Variants in ITGA9 observed in about 807,000 individuals in gnomAD.
The protein encoded by ITGA9 is integrin alpha-9.
In ITGA9, 56 loss-of-function variants were observed where a neutral mutation model predicts 127.8. The ratio of observed to expected loss-of-function variants is 0.44; its 90% CI spans 0.35 to 0.55. ITGA9 has a LOEUF of 0.55. Ranked by LOEUF, ITGA9 falls within the 20% of genes least tolerant of loss-of-function variation. The pLI is 0.00. For synonymous variants in ITGA9, 508 were observed against 514.5 expected, an observed-to-expected ratio of 0.99 and a Z score of 0.17; for missense variants, 1,196 against 1,347.1, an observed-to-expected ratio of 0.89 and a Z score of 1.76.
At chr3:37,624,512 C>T (rs1193793054) in intron 15 of ITGA9, among the ~76,000 whole-genome samples, 1 of 152,172 alleles carries the variant, frequency 6.6e-6, no homozygotes, top group African/African-American at 2.4e-5. Flanking sequence ...CCCATCAGTC[C>T]ACTGCCACAC....
chr3:37,473,223 A>G (rs1386420390), intron 2 of ITGA9, 131 bp from the exon 3 acceptor site: 4 of 690,686 alleles, frequency 5.8e-6, no homozygotes, highest in African/African-American at 3.5e-5. Context: ...AGTATAGTAC[A>G]TAGTGATGGA....
At chr3:37,730,700 C>A (rs561864034) in intron 18 of ITGA9, among the ~76,000 whole-genome samples, 1 of 152,190 alleles carries the variant, frequency 6.6e-6, no homozygotes. Flanking sequence ...ATGCTCAGGG[C>A]GCGTTCTGAA....
At chr3:37,763,667 A>G (rs1271467972) in intron 23 of ITGA9, among the ~76,000 whole-genome samples, 1 of 152,230 alleles carries the variant, frequency 6.6e-6, no homozygotes, top group East Asian at 1.9e-4. Context: ...GATAATTGCA[A>G]CAAGAAGTCT....
At chr3:37,764,819 C>T (rs1163773198) in intron 23 of ITGA9, among the ~76,000 whole-genome samples, 1 of 152,242 alleles carries the variant, frequency 6.6e-6, no homozygotes, top group Non-Finnish European at 1.5e-5. Flanking sequence ...ACACTGTTCC[C>T]TCCAATCTTT....
intron 27 of ITGA9, among the ~76,000 whole-genome samples, chr3:37,815,306 G>A (rs1343410990): frequency 1.3e-5 from 2 of 152,148 alleles, no homozygotes; most frequent in Non-Finnish European, 2.9e-5. Context: ...TCTTAGAGAT[G>A]AACAAGAGAA....
At chr3:37,545,136 G>C (rs1174747949) in intron 15 of ITGA9, among the ~76,000 whole-genome samples, 4 of 152,196 alleles carry the variant, frequency 2.6e-5, no homozygotes, top group Admixed American at 6.5e-5. Context: ...TGGGGCCTGG[G>C]GGGTGTTGGT....
chr3:37,603,515 C>T lies in ITGA9; in HGVS notation c.1690-25672C>T, dbSNP rs79435075. ...GGACATTGAGGAATGACTGTGCTTCCCCTACCCAACAGAAGTGGTTCTCCC... is the reference window on the plus strand; with the variant it reads ...GGACATTGAGGAATGACTGTGCTTCTCCTACCCAACAGAAGTGGTTCTCCC... On this transcript the variant is annotated intron_variant, in intron 15 of 27. Transcript: ENST00000264741. Among the ~76,000 whole-genome samples the T allele has an allele frequency of 1.3e-3, 195 of 152,162 alleles. 2 individuals carry two copies. Among genetic ancestry groups the T allele is most frequent in the African/African-American group, 4.6e-3 (191 of 41,522 alleles).
intron 15 of ITGA9, among the ~76,000 whole-genome samples, chr3:37,584,000 G>A (rs543784896): frequency 6.6e-6 from 1 of 152,288 alleles, no homozygotes; most frequent in African/African-American, 2.4e-5. Context: ...TAGATAACCT[G>A]TAACTTCTGT....
chr3:37,564,561 T>C (rs1381553484), intron 15 of ITGA9, among the ~76,000 whole-genome samples: 2 of 152,232 alleles, frequency 1.3e-5, no homozygotes, highest in East Asian at 1.9e-4. Context: ...TGGAAGAAAA[T>C]GTGATCCTTT....
chr3:37,569,161 A>G (rs1298254052), intron 15 of ITGA9, among the ~76,000 whole-genome samples: 1 of 152,230 alleles, frequency 6.6e-6, no homozygotes, highest in Non-Finnish European at 1.5e-5. Flanking sequence ...CAATCATGGT[A>G]GAAAGCAAAG....
chr3:37,556,904 G>A (rs145138141), intron 15 of ITGA9, among the ~76,000 whole-genome samples: 48 of 152,268 alleles, frequency 3.2e-4, no homozygotes, highest in African/African-American at 1.1e-3. Flanking sequence ...AGTGCAGCTC[G>A]CCAGCCCACG....
At chr3:37,766,995 T>C (rs1285694698) in intron 23 of ITGA9, among the ~76,000 whole-genome samples, 1 of 152,214 alleles carries the variant, frequency 6.6e-6, no homozygotes, top group African/African-American at 2.4e-5. Flanking sequence ...TTTCTCTGAT[T>C]ACATGTAAAT....
chr3:37,642,137 G>C (rs1159727482), intron 16 of ITGA9, among the ~76,000 whole-genome samples: 1 of 152,052 alleles, frequency 6.6e-6, no homozygotes, highest in African/African-American at 2.4e-5. Flanking sequence ...CTGGACACAG[G>C]GTTTCCCCAT....
chr3:37,768,982 T>C (rs1267518914), intron 23 of ITGA9, among the ~76,000 whole-genome samples: 2 of 152,128 alleles, frequency 1.3e-5, no homozygotes, highest in African/African-American at 4.8e-5. Flanking sequence ...CCCAGCCAGC[T>C]GATGGGGTTC....
At chr3:37,726,470 A>G (rs985190822) in intron 18 of ITGA9, among the ~76,000 whole-genome samples, 2 of 152,248 alleles carry the variant, frequency 1.3e-5, no homozygotes, top group African/African-American at 4.8e-5. Context: ...GCCAGAGTCT[A>G]GACTGACATC....
At chr3:37,628,158 T>G (rs1027072870) in intron 15 of ITGA9, among the ~76,000 whole-genome samples, 1 of 152,174 alleles carries the variant, frequency 6.6e-6, no homozygotes, top group African/African-American at 2.4e-5. Context: ...CATTCTTCCC[T>G]GCTGCCACTC....
intron 26 of ITGA9, among the ~76,000 whole-genome samples, 155 bp downstream of exon 26, chr3:37,785,233 C>A (rs1446354808): frequency 1.3e-5 from 2 of 152,070 alleles, no homozygotes; most frequent in Admixed American, 1.3e-4. Flanking sequence ...GGCTTCCAGG[C>A]CCCCCCTGGA....
chr3:37,667,081 G>A (rs1432251955), intron 17 of ITGA9, among the ~76,000 whole-genome samples: 1 of 152,094 alleles, frequency 6.6e-6, no homozygotes, highest in Non-Finnish European at 1.5e-5. Context: ...GGTCAGGGTG[G>A]GGAGTGTGGG....
chr3:37,572,132 G>A (rs923266305), intron 15 of ITGA9, among the ~76,000 whole-genome samples: 6 of 151,984 alleles, frequency 3.9e-5, no homozygotes, highest in African/African-American at 1.5e-4. Context: ...ACATGCCCAG[G>A]GGTCTCTGAG....
Sources: gnomAD v4.1 joint callset for allele counts (sites outside exome capture counted in the v4.1 genomes callset) on GRCh38, gnomAD v4.1.1 for gene constraint, MANE v1.5 for transcripts, NCBI Gene and HGNC (gene_info 2026-07-23, HGNC 2026-07-21) for gene names.